The following CHSY3 variants were observed in gnomAD, a reference collection of about 807,000 sequenced individuals.
The protein encoded by CHSY3 is chondroitin sulfate synthase 3, also known as N-acetylgalactosaminyl-proteoglycan 3-beta-glucuronosyltransferase 3.
CHSY3 carries 35 observed loss-of-function variants against 67.2 expected under a neutral mutation model. The ratio of observed to expected loss-of-function variants is 0.52; its 90% CI spans 0.40 to 0.69. The LOEUF (loss-of-function observed/expected upper bound fraction) is 0.69. CHSY3 is among the 30% of genes least tolerant of loss of function. CHSY3 has a pLI of 0.00. For synonymous variants in CHSY3, 474 were observed against 434.7 expected (o/e 1.09, Z -1.12); for missense variants, 1,069 against 1,138.5 (o/e 0.94, Z 0.88).
At chr5:130,006,648 C>T (rs1763885954) in intron 2 of CHSY3, among the ~76,000 whole-genome samples, 1 of 151,944 alleles carries the variant, frequency 6.6e-6, no homozygotes, top group Non-Finnish European at 1.5e-5. Flanking sequence ...AAGTGGTTAC[C>T]CTCAACAATA....
intron 2 of CHSY3, among the ~76,000 whole-genome samples, chr5:129,948,230 G>A (rs1761919209): frequency 6.6e-6 from 1 of 152,040 alleles, no homozygotes; most frequent in Non-Finnish European, 1.5e-5. Context: ...GTGGTGTTTA[G>A]TTACATGAAT....
chr5:129,916,761 A>G (rs1289823503), intron 2 of CHSY3, among the ~76,000 whole-genome samples: 1 of 152,220 alleles, frequency 6.6e-6, no homozygotes, highest in Non-Finnish European at 1.5e-5. Context: ...AGTAAACAAC[A>G]CACATGCCTT....
rs1191681449 is a variant in CHSY3 at position 130,031,157 on chromosome 5, T to TA, written c.1086+122804dup. Among the ~76,000 whole-genome samples the TA allele has an allele frequency of 3.9e-5, 6 of 151,920 alleles. 1 individual carries two copies. The South Asian group carries it at 6.2e-4, about 16-fold the overall frequency. ...AAATGGAATTTCTAAGATAAACAGTTAAAAAAAGATGAAGACTGGGATTCT... is the reference window on the plus strand; with the variant it reads ...AAATGGAATTTCTAAGATAAACAGTTAAAAAAAAGATGAAGACTGGGATTCT... On this transcript the variant is annotated intron_variant, in intron 2 of 2. Transcript: ENST00000305031.
At chr5:130,023,925 C>A (rs4621588) in intron 2 of CHSY3, among the ~76,000 whole-genome samples, 4 of 151,518 alleles carry the variant, frequency 2.6e-5, no homozygotes, top group South Asian at 4.2e-4. Flanking sequence ...TCCCCGCCCC[C>A]CCAATAGCTC....
intron 2 of CHSY3, among the ~76,000 whole-genome samples, chr5:130,010,962 C>T (rs1764040410): frequency 6.6e-6 from 1 of 151,996 alleles, no homozygotes; most frequent in Non-Finnish European, 1.5e-5. Context: ...ATAATGAATT[C>T]CAAAATTGAA....
intron 2 of CHSY3, among the ~76,000 whole-genome samples, chr5:130,002,809 T>A (rs1763768274): frequency 6.6e-6 from 1 of 152,162 alleles, no homozygotes; most frequent in African/African-American, 2.4e-5. Context: ...TTAACAGGTA[T>A]TAAGCTTGAT....
intron 2 of CHSY3, among the ~76,000 whole-genome samples, chr5:129,935,379 C>T (rs1371952795): frequency 1.3e-5 from 2 of 152,084 alleles, no homozygotes; most frequent in Non-Finnish European, 2.9e-5. Flanking sequence ...CGCTACAGGG[C>T]CTTACCTCAG....
At chr5:129,999,290 G>A (rs73785843) in intron 2 of CHSY3, among the ~76,000 whole-genome samples, 1 of 152,024 alleles carries the variant, frequency 6.6e-6, no homozygotes, top group East Asian at 1.9e-4. Context: ...AAAATGAAGA[G>A]ACTGTTATGA....
At chr5:130,155,645 G>T (rs1433158407) in intron 2 of CHSY3, among the ~76,000 whole-genome samples, 2 of 152,128 alleles carry the variant, frequency 1.3e-5, no homozygotes, top group Non-Finnish European at 2.9e-5. Context: ...GGGGTAAAAA[G>T]ACAACTCAAA....
intron 2 of CHSY3, among the ~76,000 whole-genome samples, chr5:130,066,053 T>A (rs766700161): frequency 5.9e-5 from 9 of 152,052 alleles, no homozygotes; most frequent in African/African-American, 2.2e-4. Flanking sequence ...TGAGACTACA[T>A]CAACACAAAA....
chr5:130,071,537 TTGTGTGTGTGTG>T (rs3065054), intron 2 of CHSY3, among the ~76,000 whole-genome samples: 9 of 141,894 alleles, frequency 6.3e-5, no homozygotes, highest in Admixed American at 2.1e-4. Flanking sequence ...TAGTAGTTCA[TTGTGTGTGTGTG>T]TGTGTGTGTG....
chr5:130,048,126 A>G (rs982610191), intron 2 of CHSY3, among the ~76,000 whole-genome samples: 1 of 147,336 alleles, frequency 6.8e-6, no homozygotes, highest in African/African-American at 2.7e-5. Context: ...ATGTATGTGT[A>G]TAGAGATGGG....
chr5:130,062,861 T>A (rs1224655475), intron 2 of CHSY3, among the ~76,000 whole-genome samples: 1 of 152,100 alleles, frequency 6.6e-6, no homozygotes. Context: ...TAACTCACAA[T>A]TTTTTAAAGC....
chr5:130,158,731 C>A (rs1270588324), intron 2 of CHSY3, among the ~76,000 whole-genome samples: 1 of 152,166 alleles, frequency 6.6e-6, no homozygotes, highest in African/African-American at 2.4e-5. Context: ...TTCTGAAAAG[C>A]ATTACTTAAG....
At chr5:129,932,116 A>ATG (rs1267963976) in intron 2 of CHSY3, among the ~76,000 whole-genome samples, 1,217 of 28,822 alleles carry the variant, frequency 0.042, 34 homozygotes, top group Middle Eastern at 0.1. Flanking sequence ...ATATATATAT[A>ATG]TATATATATA....
At chr5:129,983,764 T>C (rs1394703650) in intron 2 of CHSY3, among the ~76,000 whole-genome samples, 1 of 152,018 alleles carries the variant, frequency 6.6e-6, no homozygotes, top group Non-Finnish European at 1.5e-5. Context: ...GGGAATTGAG[T>C]GTCAGAGAAG....
intron 2 of CHSY3, among the ~76,000 whole-genome samples, chr5:129,976,783 A>T (rs920958302): frequency 7.3e-4 from 111 of 152,100 alleles, no homozygotes; most frequent in African/African-American, 2.6e-3. Flanking sequence ...AAAGAGAGTT[A>T]AATAAAACAC....
rs1457311120 is a variant in CHSY3, at chr5:129,904,948, G to A, written c.119G>A (p.Arg40His). The change falls in exon 1 of 3, where the codon CGT (arginine) becomes CAT (histidine). Residue 40 changes from arginine (R) to histidine (H), a missense_variant. Arg to His is a conservative substitution (Grantham distance 29). Around this residue, in one of 5 missense-constraint regions of CHSY3, gnomAD observed 309 missense variants for 262.5 expected, o/e 1.18. Transcript: ENST00000305031. ...GCGGAGCTGAGCGAGAGGAAGAGAC[G>A]TGGCTCCAGCCTCTGCTCCTACTAC... ...RVAELSERKR[R>H]GSSLCSYYGR... 2.6e-6 allele frequency: 4 copies of A among 1,557,036 alleles called. No homozygotes were observed. The highest frequency in any genetic ancestry group is 1.8e-5 in the Admixed American group (1 of 54,350).
intron 2 of CHSY3, among the ~76,000 whole-genome samples, chr5:130,054,296 T>C (rs1765458630): frequency 6.6e-6 from 1 of 152,200 alleles, no homozygotes; most frequent in Non-Finnish European, 1.5e-5. Flanking sequence ...TAGCCTCCTA[T>C]TTCCCTGATG....
Sources: allele counts gnomAD v4.1 joint callset (sites outside exome capture counted in the v4.1 genomes callset), GRCh38; gene constraint gnomAD v4.1.1; regional missense constraint gnomAD v4.1.1; transcripts MANE v1.5; gene names NCBI Gene and HGNC (gene_info 2026-07-23, HGNC 2026-07-21).